ZC3H13: variants seen among roughly 807,000 people sequenced by gnomAD.
ZC3H13 encodes zinc finger CCCH domain-containing protein 13.
Under a neutral mutation model 204.1 loss-of-function variants are expected in ZC3H13, and 64 were observed. The ratio of observed to expected loss-of-function variants is 0.31; its 90% CI spans 0.26 to 0.39. ZC3H13 has a LOEUF of 0.39. Among genes scored for constraint, ZC3H13 ranks in the 10% least tolerant of loss-of-function variants. ZC3H13 has a pLI of 1.00. For missense variants in ZC3H13, 1,833 were observed against 2,082.7 expected, an observed-to-expected ratio of 0.88 and a Z score of 2.33; for synonymous variants, 667 against 693.7, an observed-to-expected ratio of 0.96 and a Z score of 0.60.
At chr13:46,004,627 T>A (rs1258100946) in intron 7 of ZC3H13, among the ~76,000 whole-genome samples, 3 of 152,204 alleles carry the variant, frequency 2.0e-5, no homozygotes, top group Non-Finnish European at 4.4e-5. Flanking sequence ...TCCAAAACTT[T>A]CTAAAACAAT....
chr13:45,980,115 A>G (rs1953427878), intron 10 of ZC3H13, 111 bp from the exon 11 acceptor site: 2 of 954,040 alleles, frequency 2.1e-6, no homozygotes, highest in Non-Finnish European at 2.9e-6. Context: ...TTAATATTCC[A>G]AAGTGTGGTA....
chr13:45,993,732 C>T (rs1029040689), intron 8 of ZC3H13, among the ~76,000 whole-genome samples: 3 of 152,172 alleles, frequency 2.0e-5, no homozygotes, highest in African/African-American at 7.2e-5. Flanking sequence ...TAGTAGCTTG[C>T]TATTCTTTTG....
chr13:45,990,483 G>C (rs977744815), intron 8 of ZC3H13, among the ~76,000 whole-genome samples: 2 of 152,098 alleles, frequency 1.3e-5, no homozygotes, highest in African/African-American at 4.8e-5. Flanking sequence ...CAGCTAACTA[G>C]AACACTACAC....
At chr13:46,033,143 C>T (rs1021992841) in intron 4 of ZC3H13, among the ~76,000 whole-genome samples, 10 of 151,784 alleles carry the variant, frequency 6.6e-5, no homozygotes, top group South Asian at 4.1e-4. Flanking sequence ...ATCATGTAAA[C>T]GTTTTATGTA....
chr13:46,049,692 G>T (rs970492669), intron 1 of ZC3H13, among the ~76,000 whole-genome samples: 1 of 152,032 alleles, frequency 6.6e-6, no homozygotes, highest in African/African-American at 2.4e-5. Context: ...CTTTGGGCCC[G>T]TAAAGGAAAA....
At chr13:46,041,711 T>C (rs2043598980) in intron 4 of ZC3H13, among the ~76,000 whole-genome samples, 1 of 152,148 alleles carries the variant, frequency 6.6e-6, no homozygotes, top group East Asian at 1.9e-4. Flanking sequence ...CAGCTAAAAT[T>C]TGTGGTCATA....
chr13:46,012,707 C>T (rs2041647641), intron 5 of ZC3H13, among the ~76,000 whole-genome samples: 1 of 152,052 alleles, frequency 6.6e-6, no homozygotes, highest in Non-Finnish European at 1.5e-5. Flanking sequence ...GTTTTTCAGT[C>T]AGAAAGCAAT....
intron 5 of ZC3H13, among the ~76,000 whole-genome samples, chr13:46,012,640 C>T (rs143667544): frequency 1.7e-3 from 264 of 152,172 alleles, no homozygotes; most frequent in African/African-American, 5.9e-3. Context: ...GATTACTCAT[C>T]TTATGTTGGA....
intron 1 of ZC3H13, 70 bp downstream of exon 1, chr13:46,052,334 C>G (rs1015641673): frequency 5.1e-6 from 2 of 392,230 alleles, no homozygotes; most frequent in African/African-American, 2.1e-5. Flanking sequence ...GGGGGGTAAC[C>G]CGGGCCTCCG....
intron 17 of ZC3H13, chr13:45,962,433 G>C: frequency 1.0e-6 from 1 of 985,208 alleles, no homozygotes; most frequent in Non-Finnish European, 1.2e-6. Flanking sequence ...CTTTAGAGGT[G>C]GGTAAGATTT....
rs781427797 is a variant in ZC3H13, at chr13:45,969,765, G to C, written c.2779C>G (p.Leu927Val). The C allele has an allele frequency of 6.2e-7, 1 of 1,613,756 alleles. No homozygotes were observed. Among genetic ancestry groups the C allele is most frequent in the Admixed American group, 1.7e-5 (1 of 60,000 alleles). The change falls in exon 14 of 19, where the codon CTG becomes GTG. Residue 927 changes from leucine (L) to valine (V), a missense_variant. Leu to Val is a conservative substitution (Grantham distance 32, BLOSUM62 1). Transcript: ENST00000679008. ...VDKQREQTEI[L>V]ESSRMRAQDI... ...TGTGCACGCATTCTTGAGCTTTCCAGGATTTCTGTCTGTTCTCTCTGTTTA... is the reference window on the plus strand; with the variant it reads ...TGTGCACGCATTCTTGAGCTTTCCACGATTTCTGTCTGTTCTCTCTGTTTA...
intron 8 of ZC3H13, among the ~76,000 whole-genome samples, chr13:45,998,868 A>C (rs922018310): frequency 6.6e-6 from 1 of 152,078 alleles, no homozygotes; most frequent in Non-Finnish European, 1.5e-5. Context: ...TGTCACACCA[A>C]TTGACTCTTC....
chr13:46,005,922 C>A (rs540832627), intron 7 of ZC3H13, among the ~76,000 whole-genome samples: 1 of 151,980 alleles, frequency 6.6e-6, no homozygotes, highest in Admixed American at 6.6e-5. Flanking sequence ...TGGTGAAACC[C>A]CGCCTCTACT....
In ZC3H13 at chr13:46,003,260, C is replaced by A. The variant is rs771033760; in HGVS notation, c.823G>T (p.Ala275Ser). 1.2e-6 allele frequency: 2 copies of A among 1,612,840 alleles called. No homozygotes were observed. Among genetic ancestry groups the A allele is most frequent in the East Asian group, 2.2e-5 (1 of 44,798 alleles). ...SPPPPIPEDI[A>S]LGKKYKEKYK... The stretch of plus-strand genomic sequence containing the variant: ...TTTTCTTTGTATTTTTTCCCCAGAG[C>A]GATATCTTCTGGTATAGGAGGGGGT... Residue 275 changes from alanine to serine, a missense_variant, in exon 8 of 19, where the codon GCT becomes TCT. Ala to Ser is a moderately conservative substitution (Grantham distance 99, BLOSUM62 1). Around this residue, in one of 5 missense-constraint regions of ZC3H13, gnomAD observed 1,574 missense variants for 1,757.2 expected, o/e 0.90. Coordinates refer to ENST00000679008, the MANE Select transcript of ZC3H13 (RefSeq NM_001330564.2).
rs569203877 is a variant in ZC3H13 at position 46,015,215 on chromosome 13, T to C, written c.449-3661A>G. On this transcript the variant is annotated intron_variant, in intron 5 of 18. Transcript: ENST00000679008. ...TGCCAAACGAATGGGTGAGTAATCA[T>C]ATCTCTTTATTTTCATCAGTATTTC... is the stretch of plus-strand genomic sequence containing the variant. Among the ~76,000 whole-genome samples, 10 of 152,288 alleles carry C rather than the reference T, an allele frequency of 6.6e-5. No individual in the cohort carries two copies. The South Asian group carries it at 8.3e-4, about 13-fold the overall frequency.
At chr13:45,958,489 C>T (rs977577124) in intron 18 of ZC3H13, among the ~76,000 whole-genome samples, 1 of 152,118 alleles carries the variant, frequency 6.6e-6, no homozygotes, top group African/African-American at 2.4e-5. Context: ...ATTACATTTA[C>T]TTACCCAGTT....
At chr13:46,024,794 T>A (rs936922632) in intron 4 of ZC3H13, among the ~76,000 whole-genome samples, 4 of 152,128 alleles carry the variant, frequency 2.6e-5, no homozygotes, top group Admixed American at 2.6e-4. Flanking sequence ...TTCCCCCATG[T>A]TTTTAAACCT....
At chr13:46,018,796 G>A (rs1305437899) in intron 5 of ZC3H13, among the ~76,000 whole-genome samples, 1 of 151,980 alleles carries the variant, frequency 6.6e-6, no homozygotes, top group Non-Finnish European at 1.5e-5. Flanking sequence ...AATGACAACT[G>A]AAAATATTTT....
At position 46,010,331 on chromosome 13, in the gene ZC3H13, T is replaced by A. The variant is rs772383645; in HGVS notation, c.746+17A>T. ...AGAAAAAGCTATTTTCTCGATACTA[T>A]TTATCACCCTACTGACCTCTGCTGG... On this transcript the variant is annotated intron_variant, in intron 7 of 18. Transcript: ENST00000679008. 3 of 1,569,636 alleles carry A rather than the reference T, an allele frequency of 1.9e-6. No homozygotes were observed. Among genetic ancestry groups the A allele is most frequent in the South Asian group, 2.3e-5 (2 of 85,872 alleles).
Sources: allele counts gnomAD v4.1 joint callset (sites outside exome capture counted in the v4.1 genomes callset), GRCh38; gene constraint gnomAD v4.1.1; regional missense constraint gnomAD v4.1.1; transcripts MANE v1.5; gene names NCBI Gene and HGNC (gene_info 2026-07-23, HGNC 2026-07-21).